NOL7: variants seen among roughly 807,000 people sequenced by gnomAD.
NOL7 encodes U3 small nucleolar RNA-associated protein NOL7.
In NOL7, 36 loss-of-function variants were observed where a neutral mutation model predicts 38.4. The ratio of observed to expected loss-of-function variants is 0.94; its 90% confidence interval spans 0.72 to 1.24. The LOEUF is 1.24. NOL7 is among the 50% of genes most tolerant of loss of function. The probability of loss-of-function intolerance (pLI) is 0.00; values close to 1 mark genes in which losing one functional copy is unlikely to be tolerated. For missense variants in NOL7, 350 were observed against 315.1 expected (o/e 1.11, Z -0.84); for synonymous variants, 142 against 126.5 (o/e 1.12, Z -0.82).
intron 4 of NOL7, 96 bp from the exon 5 acceptor site, chr6:13,617,962 C>A: frequency 1.0e-6 from 1 of 968,758 alleles, no homozygotes; most frequent in Non-Finnish European, 1.6e-6. Flanking sequence ...ACTGCATCCA[C>A]ATTGGTGTGT....
intron 8 of NOL7, among the ~76,000 whole-genome samples, chr6:13,630,915 T>C (rs1479118175): frequency 6.6e-6 from 1 of 152,122 alleles, no homozygotes; most frequent in Non-Finnish European, 1.5e-5. Context: ...GTTCAAGTGA[T>C]TCTCCTGCCT....
chr6:13,625,838 G>T, downstream of NOL7: 2 of 1,113,724 alleles, frequency 1.8e-6, no homozygotes, highest in Non-Finnish European at 1.4e-6. Flanking sequence ...TCCAAGTTGA[G>T]AGGTAAAATA....
downstream of NOL7, among the ~76,000 whole-genome samples, chr6:13,623,754 TTAA>T (rs1171902814): frequency 6.6e-6 from 1 of 152,184 alleles, no homozygotes; most frequent in Admixed American, 6.5e-5. Flanking sequence ...CTATAGCAGT[TTAA>T]TAATTGTGTC....
At chr6:13,616,405 C>T (rs1764288292) in intron 2 of NOL7, 58 bp from the exon 3 acceptor site, 1 of 1,266,370 alleles carries the variant, frequency 7.9e-7, no homozygotes, top group Admixed American at 2.0e-5. Context: ...TCAGAAGCAA[C>T]TCCGGACATA....
chr6:13,620,356 C>T, intron 6 of NOL7, 27 bp downstream of exon 6: 3 of 1,613,636 alleles, frequency 1.9e-6, no homozygotes, highest in African/African-American at 1.3e-5. Flanking sequence ...CTATTTTTCT[C>T]ACTTTTTACT....
Position 13,617,860 on chromosome 6 carries a change from T to C in NOL7, c.418+59T>C, listed in dbSNP as rs771839553. Reference sequence around the variant, plus strand: ...TAAGTGTCAAGTGCACTTGCAGATGTTTCCAGTCAAATATGAATGGCCCTT... The same window carrying C: ...TAAGTGTCAAGTGCACTTGCAGATGCTTCCAGTCAAATATGAATGGCCCTT... On this transcript the variant is annotated intron_variant, in intron 4 of 7. Coordinates refer to ENST00000451315, the MANE Select transcript of NOL7 (RefSeq NM_016167.5). 3.7e-5 allele frequency: 56 copies of C among 1,511,664 alleles called. 1 individual carries two copies. The highest frequency in any genetic ancestry group is 3.4e-4 in the Middle Eastern group (2 of 5,888). 93.6% of individuals were successfully genotyped at this position (1,511,664 alleles called of 1,614,324 possible). A position where few individuals can be genotyped will look rare whatever the true frequency, so the allele number is the denominator to read the frequency against.
intron 7 of NOL7, 71 bp from the exon 8 acceptor site, chr6:13,620,683 T>G (rs1410028458): frequency 5.7e-6 from 6 of 1,057,646 alleles, no homozygotes; most frequent in African/African-American, 4.9e-5. Flanking sequence ...ATTACATTCA[T>G]ATAGAGTAAT....
At chr6:13,623,314 A>G (rs1764508211), downstream of NOL7, among the ~76,000 whole-genome samples, 1 of 152,230 alleles carries the variant, frequency 6.6e-6, no homozygotes, top group Non-Finnish European at 1.5e-5. Flanking sequence ...CACAGTTGAC[A>G]ACAAAGGGCA....
intron 5 of NOL7, among the ~76,000 whole-genome samples, chr6:13,619,716 T>A (rs1012953034): frequency 3.3e-5 from 5 of 152,228 alleles, no homozygotes; most frequent in African/African-American, 1.2e-4. Context: ...ATGCTGATTG[T>A]TCAACTGATG....
intron 5 of NOL7, among the ~76,000 whole-genome samples, chr6:13,618,779 T>C (rs914538838): frequency 2.0e-5 from 3 of 152,092 alleles, no homozygotes; most frequent in Non-Finnish European, 1.5e-5. Context: ...TATTCCCAGC[T>C]ACTCCAGAGG....
intron 3 of NOL7, among the ~76,000 whole-genome samples, chr6:13,617,213 C>G (rs1244585748): frequency 6.6e-6 from 1 of 151,972 alleles, no homozygotes; most frequent in Non-Finnish European, 1.5e-5. Context: ...CTTTTAAAAC[C>G]AAGCTCAAGT....
intron 1 of NOL7, 43 bp from the exon 2 acceptor site, chr6:13,615,669 C>T (rs748921164): frequency 1.9e-6 from 3 of 1,613,926 alleles, no homozygotes; most frequent in African/African-American, 1.3e-5. Context: ...CTTTCTCGTC[C>T]CGCTTGTCCT....
rs537582496 is a variant in NOL7, at chr6:13,618,040, T to C, written c.419-18T>C. 7 of 1,351,284 alleles carry C rather than the reference T, an allele frequency of 5.2e-6. No homozygotes were observed. The South Asian group carries it at 6.0e-5, about 12-fold the overall frequency. The allele number at this position is 1,351,284 out of a possible 1,614,324, so 83.7% of individuals were successfully genotyped here. A position where few individuals can be genotyped will look rare whatever the true frequency, so the allele number is the denominator to read the frequency against. ...TTTTACGTGAATGCTAATTAGAAAA[T>C]GTAACTCTATTTTTTAGTTAATTTG... On this transcript the variant is annotated intron_variant, in intron 4 of 7. Coordinates refer to ENST00000451315, the MANE Select transcript of NOL7 (RefSeq NM_016167.5).
intron 6 of NOL7, 34 bp downstream of exon 6, chr6:13,620,363 T>C: frequency 6.2e-7 from 1 of 1,613,888 alleles, no homozygotes; most frequent in South Asian, 1.1e-5. Flanking sequence ...TCTCACTTTT[T>C]ACTGCAAATA....
chr6:13,616,141 G>T (rs1041508329), intron 2 of NOL7, among the ~76,000 whole-genome samples: 1 of 152,238 alleles, frequency 6.6e-6, no homozygotes, highest in Admixed American at 6.5e-5. Flanking sequence ...TACAGACTTA[G>T]TGTATGGTTG....
intron 8 of NOL7, among the ~76,000 whole-genome samples, chr6:13,630,401 A>C (rs1764744599): frequency 1.3e-5 from 2 of 152,226 alleles, no homozygotes; most frequent in Non-Finnish European, 2.9e-5. Flanking sequence ...ACACAAAGTA[A>C]GCTAATGGAG....
In NOL7 at chr6:13,615,779, G is replaced by A. The variant is rs960918541; in HGVS notation, c.327+7G>A. 1 of 1,607,442 alleles carries A rather than the reference G, an allele frequency of 6.2e-7. No individual in the cohort carries two copies. Among genetic ancestry groups the A allele is most frequent in the Non-Finnish European group, 8.5e-7 (1 of 1,177,868 alleles). ...GCTGTTCATCGAACAGAAGGTTAGA[G>A]GCTAGGGAGGAGGTGTCTTATTAAA... On this transcript the variant is annotated splice_region_variant and intron_variant, in intron 2 of 7. Transcript: ENST00000451315.
chr6:13,623,891 TTAAA>T, downstream of NOL7, among the ~76,000 whole-genome samples: 1 of 152,290 alleles, frequency 6.6e-6, no homozygotes, highest in African/African-American at 2.4e-5. Flanking sequence ...TGCTCAACAA[TTAAA>T]TTCCCTTGAA....
At chr6:13,624,344 C>G (rs780817475), downstream of NOL7, among the ~76,000 whole-genome samples, 1 of 152,186 alleles carries the variant, frequency 6.6e-6, no homozygotes, top group Non-Finnish European at 1.5e-5. Flanking sequence ...CTAAACTACT[C>G]TTTAATCTAC....
Sources: allele counts gnomAD v4.1 joint callset (sites outside exome capture counted in the v4.1 genomes callset), GRCh38; gene constraint gnomAD v4.1.1; transcripts MANE v1.5; gene names NCBI Gene and HGNC (gene_info 2026-07-23, HGNC 2026-07-21).